Variants in RASAL2 observed in about 807,000 individuals in gnomAD.
RASAL2 encodes ras GTPase-activating protein nGAP.
RASAL2 carries 58 observed loss-of-function variants against 128.9 expected under a neutral mutation model. The ratio of observed to expected loss-of-function variants is 0.45; its 90% CI spans 0.36 to 0.56. The LOEUF is 0.56. Ranked by LOEUF, RASAL2 falls within the 20% of genes least tolerant of loss-of-function variation. The probability of loss-of-function intolerance (pLI) is 0.00; values close to 1 mark genes in which losing one functional copy is unlikely to be tolerated. For synonymous variants in RASAL2, 561 were observed against 580.8 expected (o/e 0.97, Z 0.49); for missense variants, 1,360 against 1,601.6 (o/e 0.85, Z 2.57).
At chr1:178,451,804 A>T in intron 10 of RASAL2, 89 bp downstream of exon 10, 1 of 1,446,942 alleles carries the variant, frequency 6.9e-7, no homozygotes, top group Non-Finnish European at 9.3e-7. Flanking sequence ...AGTCATCACA[A>T]TGTTAACAAT....
chr1:178,339,127 G>A (rs1669739577), intron 3 of RASAL2, among the ~76,000 whole-genome samples: 1 of 152,206 alleles, frequency 6.6e-6, no homozygotes, highest in African/African-American at 2.4e-5. Context: ...TGCCAGCCTA[G>A]CACTGTGTAT....
chr1:178,408,626 G>T (rs12239670), intron 4 of RASAL2, among the ~76,000 whole-genome samples: 32,965 of 144,540 alleles, frequency 0.23, 6,070 homozygotes, highest in African/African-American at 0.52. Flanking sequence ...TTTGTTTTTT[G>T]TTTTGCTTCT....
At position 178,410,356 on chromosome 1, in the gene RASAL2, T is replaced by C. The variant is rs539683398; in HGVS notation, c.565-10155T>C. On this transcript the variant is annotated intron_variant, in intron 4 of 17. Coordinates refer to ENST00000367649, the MANE Select transcript of RASAL2 (RefSeq NM_170692.4). ...TGAAGCTGGGTCCTCATCTCTCACC[T>C]TATACAAAAATCAACTCAAGATGGA... 5.3e-5 allele frequency among the ~76,000 whole-genome samples: 8 copies of C among 152,202 alleles called. No individual in the cohort carries two copies. The East Asian group carries it at 9.7e-4, about 18-fold the overall frequency.
At chr1:178,373,389 G>A (rs767234204) in intron 3 of RASAL2, among the ~76,000 whole-genome samples, 4 of 148,970 alleles carry the variant, frequency 2.7e-5, no homozygotes, top group East Asian at 2.0e-4. Flanking sequence ...ATTTATCTTC[G>A]GCATTTGGAT....
rs1572073193 is a variant in RASAL2 at position 178,438,304 on chromosome 1, T to C, written c.675-1118T>C. Among the ~76,000 whole-genome samples, 7 of 152,226 alleles carry C rather than the reference T, an allele frequency of 4.6e-5. No homozygotes were observed. The Middle Eastern group carries it at 0.017, about 372-fold the overall frequency. On this transcript the variant is annotated intron_variant, in intron 5 of 17. Coordinates refer to ENST00000367649, the MANE Select transcript of RASAL2 (RefSeq NM_170692.4). ...AATTTAACCAAAAGCTACTCTGGCA[T>C]TAAATATTTAAGTTCCTTTTAGTGT...
intron 1 of RASAL2, among the ~76,000 whole-genome samples, chr1:178,121,919 A>G (rs910204348): frequency 5.3e-5 from 8 of 151,686 alleles, no homozygotes; most frequent in African/African-American, 1.9e-4. Context: ...TTTCTTTGCC[A>G]TTTTTCACTG....
intron 5 of RASAL2, among the ~76,000 whole-genome samples, chr1:178,438,103 TGTGTG>T (rs1676374280): frequency 1.4e-4 from 2 of 14,792 alleles, no homozygotes; most frequent in Non-Finnish European, 3.2e-4. Context: ...AATGGTGGCT[TGTGTG>T]TGTGTGTGTG....
chr1:178,172,726 A>T (rs557058557), intron 1 of RASAL2, among the ~76,000 whole-genome samples: 1 of 152,236 alleles, frequency 6.6e-6, no homozygotes, highest in Admixed American at 6.5e-5. Flanking sequence ...ACATAATGAG[A>T]TAGTGAAGTC....
intron 4 of RASAL2, chr1:178,411,608 C>A: frequency 1.3e-6 from 1 of 742,630 alleles, no homozygotes. Flanking sequence ...GCAGAAATGG[C>A]ACACTTCAGG....
chr1:178,115,740 G>T (rs561606431), intron 1 of RASAL2, among the ~76,000 whole-genome samples: 1 of 152,216 alleles, frequency 6.6e-6, no homozygotes, highest in African/African-American at 2.4e-5. Flanking sequence ...ATAGATTCCT[G>T]TGGAGCAGAG....
intron 1 of RASAL2, among the ~76,000 whole-genome samples, chr1:178,157,730 T>C (rs1661130303): frequency 6.6e-6 from 1 of 152,166 alleles, no homozygotes; most frequent in East Asian, 1.9e-4. Context: ...TTTTTAGACT[T>C]GCGTACATTC....
chr1:178,336,247 C>T (rs1003434195), intron 3 of RASAL2, among the ~76,000 whole-genome samples: 5 of 150,660 alleles, frequency 3.3e-5, no homozygotes, highest in Non-Finnish European at 5.9e-5. Flanking sequence ...TGGTGTGCTT[C>T]AGTTAGTTGT....
chr1:178,429,451 C>T (rs1675742812), intron 5 of RASAL2, among the ~76,000 whole-genome samples: 1 of 152,146 alleles, frequency 6.6e-6, no homozygotes, highest in African/African-American at 2.4e-5. Flanking sequence ...ATTCTCCATT[C>T]TCTGACCACT....
chr1:178,350,749 C>T (rs1250572352), intron 3 of RASAL2, among the ~76,000 whole-genome samples: 3 of 152,152 alleles, frequency 2.0e-5, no homozygotes, highest in Non-Finnish European at 4.4e-5. Flanking sequence ...CTCCTAGCTT[C>T]TAGAGGCCAC....
rs138112318 is a variant in RASAL2 at position 178,469,518 on chromosome 1, G to A, written c.3678+2097G>A. ...GAATCTGATTTATTAGGACTCAAATGCTCTGGAAAGTAAGGACTTTCTCTC... is the reference window on the plus strand; with the variant it reads ...GAATCTGATTTATTAGGACTCAAATACTCTGGAAAGTAAGGACTTTCTCTC... On this transcript the variant is annotated intron_variant, in intron 17 of 17. Transcript: ENST00000367649. Among the ~76,000 whole-genome samples, 359 of 152,296 alleles carry A rather than the reference G, an allele frequency of 2.4e-3. 3 individuals carry two copies. Among genetic ancestry groups the A allele is most frequent in the African/African-American group, 7.6e-3 (316 of 41,554 alleles).
intron 4 of RASAL2, among the ~76,000 whole-genome samples, chr1:178,411,266 G>A (rs746283478): frequency 3.9e-5 from 6 of 151,956 alleles, no homozygotes; most frequent in Non-Finnish European, 8.8e-5. Flanking sequence ...GGATGGAGTT[G>A]GAGACCATTA....
intron 1 of RASAL2, among the ~76,000 whole-genome samples, chr1:178,159,974 C>T (rs747330748): frequency 2.9e-4 from 44 of 150,632 alleles, no homozygotes; most frequent in Non-Finnish European, 5.5e-4. Flanking sequence ...TCAAAATGAT[C>T]AGAACTTTTA....
intron 5 of RASAL2, among the ~76,000 whole-genome samples, chr1:178,428,767 T>A (rs1675693667): frequency 6.6e-6 from 1 of 151,858 alleles, no homozygotes; most frequent in African/African-American, 2.4e-5. Context: ...GTTTAAGATA[T>A]TACAAAATTC....
intron 1 of RASAL2, among the ~76,000 whole-genome samples, chr1:178,101,659 A>T (rs1201362542): frequency 1.3e-5 from 2 of 152,250 alleles, no homozygotes; most frequent in African/African-American, 4.8e-5. Context: ...GATATTTTTC[A>T]AAGCAATCCT....
Sources: gnomAD v4.1 joint callset for allele counts (sites outside exome capture counted in the v4.1 genomes callset) on GRCh38, gnomAD v4.1.1 for gene constraint, MANE v1.5 for transcripts, NCBI Gene and HGNC (gene_info 2026-07-23, HGNC 2026-07-21) for gene names.